The following WWOX variants were observed in gnomAD, a reference collection of about 807,000 sequenced individuals.
The protein encoded by WWOX is WW domain containing oxidoreductase.
A neutral mutation model predicts 46.2 loss-of-function variants in WWOX; 69 were observed. The ratio of observed to expected loss-of-function variants is 1.49; its 90% confidence interval spans 1.23 to 1.82. WWOX has a LOEUF of 1.82. WWOX is among the 40% of genes most tolerant of loss of function. WWOX has a pLI of 0.00. For synonymous variants in WWOX, 359 were observed against 202.6 expected (o/e 1.77, Z -6.56); for missense variants, 919 against 542.6 (o/e 1.69, Z -6.89).
At chr16:78,443,415 C>G (rs779364173) in intron 8 of WWOX, among the ~76,000 whole-genome samples, 1 of 152,140 alleles carries the variant, frequency 6.6e-6, no homozygotes, top group Non-Finnish European at 1.5e-5. Context: ...AGATTTTAAG[C>G]CCTCCAGTTG....
intron 5 of WWOX, among the ~76,000 whole-genome samples, chr16:78,325,797 C>T (rs563888142): frequency 6.6e-6 from 1 of 152,314 alleles, no homozygotes; most frequent in East Asian, 1.9e-4. Context: ...GAATGGAAGG[C>T]ATAGGAGTTA....
At position 78,545,056 on chromosome 16, in the gene WWOX, A is replaced by G. The variant is rs1434908336; in HGVS notation, c.1056+112304A>G. ...GAAAGAGAGAGAGATTATTTCTAGA[A>G]TAAGCAAACCAAACGTGAATTAAGT... On this transcript the variant is annotated intron_variant, in intron 8 of 8. Transcript: ENST00000566780. 6.6e-5 allele frequency among the ~76,000 whole-genome samples: 10 copies of G among 152,194 alleles called. No individual in the cohort carries two copies. The East Asian group carries it at 1.7e-3, about 26-fold the overall frequency.
intron 8 of WWOX, among the ~76,000 whole-genome samples, chr16:79,090,290 T>TGTGTGC (rs1475908472): frequency 1.3e-5 from 2 of 150,446 alleles, no homozygotes; most frequent in South Asian, 2.1e-4. Context: ...CGTGTGTGTG[T>TGTGTGC]GTGTGTGTGT....
chr16:78,637,910 G>A (rs1387943929), intron 8 of WWOX, among the ~76,000 whole-genome samples: 2 of 152,038 alleles, frequency 1.3e-5, no homozygotes, highest in South Asian at 2.1e-4. Context: ...TTCCTTGCAG[G>A]GTCCGTCCTT....
At chr16:78,875,888 C>G (rs184283216) in intron 8 of WWOX, among the ~76,000 whole-genome samples, 7 of 152,168 alleles carry the variant, frequency 4.6e-5, no homozygotes, top group Admixed American at 2.0e-4. Flanking sequence ...TTAGTAGAAA[C>G]TTGTTCTAAT....
At chr16:78,727,282 C>T (rs901101479) in intron 8 of WWOX, among the ~76,000 whole-genome samples, 5 of 152,132 alleles carry the variant, frequency 3.3e-5, no homozygotes, top group Non-Finnish European at 7.3e-5. Context: ...GCATGTAATC[C>T]CAGCTGCTAG....
intron 5 of WWOX, among the ~76,000 whole-genome samples, chr16:78,202,032 T>C (rs2036247720): frequency 6.6e-6 from 1 of 152,144 alleles, no homozygotes; most frequent in Non-Finnish European, 1.5e-5. Flanking sequence ...TTTTCCTCTT[T>C]AAACTCTACT....
chr16:78,996,136 A>G (rs778672594), intron 8 of WWOX: 25 of 914,142 alleles, frequency 2.7e-5, no homozygotes, highest in Non-Finnish European at 3.0e-5. Context: ...CAGGCGTAGA[A>G]TGTTCTTTTT....
chr16:78,432,468 T>G lies in WWOX; in HGVS notation c.792-20T>G. 6.2e-7 allele frequency: 1 copy of G among 1,613,076 alleles called. No homozygotes were observed. The highest frequency in any genetic ancestry group is 8.5e-7 in the Non-Finnish European group (1 of 1,179,918). ...GAAGTCAGAACTTGGTTGCTTCATG[T>G]CATATTTCCTATTTTTAAGATTTAC... On this transcript the variant is annotated intron_variant, in intron 7 of 8. Coordinates refer to ENST00000566780, the MANE Select transcript of WWOX (RefSeq NM_016373.4).
intron 8 of WWOX, among the ~76,000 whole-genome samples, chr16:79,088,605 C>T (rs767290427): frequency 5.3e-5 from 8 of 152,204 alleles, no homozygotes; most frequent in Non-Finnish European, 8.8e-5. Flanking sequence ...GTTTTCTAGA[C>T]TCACTCCATG....
rs145081248 is a variant in WWOX, at chr16:78,639,605, A to G, written c.1056+206853A>G. On this transcript the variant is annotated intron_variant, in intron 8 of 8. Coordinates refer to ENST00000566780, the MANE Select transcript of WWOX (RefSeq NM_016373.4). ...TTCCAGACAGTTTCACTCTTGTTGC[A>G]CAGGCTGGGGTGCAATGGTATGATC... Among the ~76,000 whole-genome samples, 918 of 150,452 alleles carry G rather than the reference A, an allele frequency of 6.1e-3. 6 individuals carry two copies. The highest frequency in any genetic ancestry group is 0.011 in the Non-Finnish European group (740 of 67,794).
intron 8 of WWOX, among the ~76,000 whole-genome samples, chr16:79,152,453 C>T (rs983507090): frequency 5.3e-5 from 8 of 152,012 alleles, no homozygotes; most frequent in Non-Finnish European, 7.4e-5. Flanking sequence ...GGGCGGATCA[C>T]GAGGTCAAGA....
intron 8 of WWOX, among the ~76,000 whole-genome samples, chr16:78,556,323 G>A (rs939450382): frequency 5.9e-5 from 9 of 151,930 alleles, no homozygotes; most frequent in Admixed American, 3.9e-4. Flanking sequence ...GATTGGGAAC[G>A]CTTGGCTTGC....
intron 5 of WWOX, among the ~76,000 whole-genome samples, chr16:78,319,992 A>C (rs1490940356): frequency 2.6e-5 from 4 of 152,128 alleles, no homozygotes; most frequent in African/African-American, 9.7e-5. Context: ...GTAAACTCTC[A>C]TTATATCTTT....
intron 8 of WWOX, among the ~76,000 whole-genome samples, chr16:78,602,136 A>C (rs1406270871): frequency 2.0e-5 from 3 of 152,224 alleles, no homozygotes; most frequent in Non-Finnish European, 4.4e-5. Flanking sequence ...ACACTAGTAG[A>C]ATCTCTCTTT....
intron 8 of WWOX, among the ~76,000 whole-genome samples, chr16:78,623,590 G>C (rs1021704525): frequency 6.6e-6 from 1 of 152,084 alleles, no homozygotes; most frequent in South Asian, 2.1e-4. Flanking sequence ...TGAGGGATGA[G>C]AATCACTTGA....
intron 5 of WWOX, among the ~76,000 whole-genome samples, chr16:78,195,603 C>A (rs1056985060): frequency 2.0e-5 from 3 of 152,106 alleles, no homozygotes; most frequent in Admixed American, 2.0e-4. Flanking sequence ...GGGCGAATCA[C>A]CCCAGGTCAG....
intron 4 of WWOX, among the ~76,000 whole-genome samples, chr16:78,157,567 C>T (rs925474745): frequency 6.6e-6 from 1 of 152,200 alleles, no homozygotes; most frequent in African/African-American, 2.4e-5. Context: ...ATCCTTTGTG[C>T]ATTATTTCAG....
chr16:78,982,686 C>G (rs910971054), intron 8 of WWOX, among the ~76,000 whole-genome samples: 2 of 152,150 alleles, frequency 1.3e-5, no homozygotes, highest in African/African-American at 2.4e-5. Context: ...TTAGACCGGG[C>G]TCCTCAAACA....
Sources: allele counts gnomAD v4.1 joint callset (sites outside exome capture counted in the v4.1 genomes callset), GRCh38; gene constraint gnomAD v4.1.1; transcripts MANE v1.5; gene names NCBI Gene and HGNC (gene_info 2026-07-23, HGNC 2026-07-21).